The following ZNF69 variants were observed in gnomAD, a reference collection of about 807,000 sequenced individuals.
ZNF69 encodes zinc finger protein 69.
A neutral mutation model predicts 50.9 loss-of-function variants in ZNF69; 47 were observed. The ratio of observed to expected loss-of-function variants is 0.92; its 90% confidence interval spans 0.73 to 1.18. The LOEUF is 1.18. Among genes scored for constraint, ZNF69 ranks in the 50% most tolerant of loss-of-function variants. The pLI is 0.00. For synonymous variants in ZNF69, 216 were observed against 223.1 expected (o/e 0.97, Z 0.29); for missense variants, 717 against 675.1 (o/e 1.06, Z -0.69).
intron 1 of ZNF69, 139 bp from the exon 2 acceptor site, chr19:11,903,434 A>T (rs1972290025): frequency 7.1e-7 from 1 of 1,413,100 alleles, no homozygotes; most frequent in Non-Finnish European, 9.5e-7. Flanking sequence ...TTTATGGAAG[A>T]AAGTAAGTAT....
At chr19:11,948,331 A>G in the ZNF69 span, 4 of 1,613,852 alleles carry the variant, frequency 2.5e-6, no homozygotes, top group East Asian at 4.5e-5. Context: ...TTGTGGAGAA[A>G]CTTTTACCCA....
the ZNF69 span, chr19:11,925,067 C>A: frequency 1.2e-6 from 1 of 836,792 alleles, no homozygotes; most frequent in Non-Finnish European, 1.9e-6. Context: ...TGGGGCGTGG[C>A]ACTGCCCACA....
the ZNF69 span, among the ~76,000 whole-genome samples, chr19:11,965,774 C>A: frequency 2.6e-5 from 4 of 152,124 alleles, no homozygotes; most frequent in Non-Finnish European, 5.9e-5. Flanking sequence ...GAAACACAAC[C>A]CCAAGAAGCC....
At chr19:11,941,871 C>T in the ZNF69 span, among the ~76,000 whole-genome samples, 1 of 152,230 alleles carries the variant, frequency 6.6e-6, no homozygotes, top group African/African-American at 2.4e-5. Flanking sequence ...TATGTATATA[C>T]TTACCACATT....
the ZNF69 span, chr19:11,950,688 TATC>T: frequency 7.3e-5 from 19 of 258,622 alleles, no homozygotes; most frequent in East Asian, 1.1e-4. Flanking sequence ...TGTAAACAAT[TATC>T]ATAAGTATAC....
chr19:11,893,462 C>T (rs145651762), intron 1 of ZNF69, among the ~76,000 whole-genome samples: 70 of 152,292 alleles, frequency 4.6e-4, no homozygotes, highest in Middle Eastern at 6.8e-3. Flanking sequence ...GAACATTTCA[C>T]ATGAGAGGAA....
At chr19:11,947,385 T>C in the ZNF69 span, 4 of 1,607,966 alleles carry the variant, frequency 2.5e-6, no homozygotes, top group East Asian at 8.9e-5. Context: ...TGAGTGATTT[T>C]GAACATAGAC....
chr19:11,965,336 G>T, the ZNF69 span: 1 of 1,359,830 alleles, frequency 7.4e-7, no homozygotes, highest in Non-Finnish European at 1.0e-6. Context: ...AGTCCTCCTG[G>T]AGCTGCTCGG....
the ZNF69 span, among the ~76,000 whole-genome samples, chr19:11,934,818 G>A: frequency 2.7e-5 from 4 of 147,704 alleles, no homozygotes; most frequent in African/African-American, 5.3e-5. Flanking sequence ...GAGCCACTGC[G>A]CCCGGCCTGT....
chr19:11,947,661 T>C, the ZNF69 span: 37 of 1,225,852 alleles, frequency 3.0e-5, no homozygotes, highest in East Asian at 3.3e-4. Flanking sequence ...AACAAAGAAC[T>C]AAATCCAGCA....
At chr19:11,936,648 C>T in the ZNF69 span, among the ~76,000 whole-genome samples, 1 of 152,094 alleles carries the variant, frequency 6.6e-6, no homozygotes, top group African/African-American at 2.4e-5. Context: ...TGCCTGTTCA[C>T]TTTGATGGTA....
chr19:11,957,155 G>T, the ZNF69 span, among the ~76,000 whole-genome samples: 19 of 149,742 alleles, frequency 1.3e-4, no homozygotes, highest in East Asian at 2.4e-3. Context: ...GCAGTGGCAC[G>T]ATCTCAGCTC....
intron 1 of ZNF69, among the ~76,000 whole-genome samples, chr19:11,896,675 T>C: frequency 6.6e-6 from 1 of 152,214 alleles, no homozygotes; most frequent in Admixed American, 6.5e-5. Flanking sequence ...CAACTTCTAA[T>C]ACTATATTGG....
At chr19:11,945,204 C>G in the ZNF69 span, among the ~76,000 whole-genome samples, 1 of 152,158 alleles carries the variant, frequency 6.6e-6, no homozygotes, top group Non-Finnish European at 1.5e-5. Flanking sequence ...GTTGGGATTC[C>G]CATTCAAAAG....
the ZNF69 span, chr19:11,979,811 G>C: frequency 6.4e-7 from 1 of 1,572,700 alleles, no homozygotes; most frequent in Non-Finnish European, 8.7e-7. Context: ...TAAGGAATGT[G>C]GGAAAGCCTT....
At chr19:11,948,938 C>T in the ZNF69 span, 3 of 1,608,214 alleles carry the variant, frequency 1.9e-6, no homozygotes, top group Non-Finnish European at 2.5e-6. Context: ...GGAGAGAAGC[C>T]TTATCAATGC....
chr19:11,915,850 G>A (rs1176668435), downstream of ZNF69, among the ~76,000 whole-genome samples: 3 of 152,170 alleles, frequency 2.0e-5, no homozygotes, highest in Admixed American at 1.3e-4. Context: ...GTTGCAGTGT[G>A]CTGAGATCGC....
At chr19:11,975,446 G>A in the ZNF69 span, among the ~76,000 whole-genome samples, 1 of 145,582 alleles carries the variant, frequency 6.9e-6, no homozygotes, top group Non-Finnish European at 1.5e-5. Flanking sequence ...CGCCCAGGCT[G>A]GACTGCAGTG....
At chr19:11,944,750 G>A in the ZNF69 span, among the ~76,000 whole-genome samples, 6 of 152,196 alleles carry the variant, frequency 3.9e-5, no homozygotes, top group Non-Finnish European at 8.8e-5. Flanking sequence ...AGCCGGGACG[G>A]TTGGACCCTG....
Sources: allele counts gnomAD v4.1 joint callset (sites outside exome capture counted in the v4.1 genomes callset), GRCh38; gene constraint gnomAD v4.1.1; transcripts MANE v1.5; gene names NCBI Gene and HGNC (gene_info 2026-07-23, HGNC 2026-07-21).